TADA2A: variants seen among roughly 807,000 people sequenced by gnomAD.
TADA2A encodes transcriptional adapter 2-alpha.
A neutral mutation model predicts 67.4 loss-of-function variants in TADA2A; 38 were observed. That is an observed-to-expected ratio of 0.56 (90% CI 0.44 to 0.74). The LOEUF is 0.74. Ranked by LOEUF, TADA2A falls within the 30% of genes least tolerant of loss-of-function variation. The pLI, the probability that TADA2A is intolerant of heterozygous loss-of-function variation, is 0.00. For synonymous variants in TADA2A, 192 were observed against 181.6 expected (o/e 1.06, Z -0.46); for missense variants, 454 against 547.0 (o/e 0.83, Z 1.70).
chr17:37,465,349 T>C (rs2053640984), intron 10 of TADA2A, 82 bp from the exon 11 acceptor site: 1 of 1,038,798 alleles, frequency 9.6e-7, no homozygotes, highest in African/African-American at 1.6e-5. Flanking sequence ...TCCATTTTAC[T>C]AATTGTAAAA....
intron 8 of TADA2A, among the ~76,000 whole-genome samples, chr17:37,447,183 A>G (rs1238118533): frequency 6.6e-6 from 1 of 152,086 alleles, no homozygotes; most frequent in African/African-American, 2.4e-5. Flanking sequence ...TTTTTTTGTG[A>G]CAGACTCTCA....
At chr17:37,436,353 G>C (rs1397008497) in intron 4 of TADA2A, 1 of 151,940 alleles carries the variant, frequency 6.6e-6, no homozygotes, top group Admixed American at 6.6e-5. Flanking sequence ...TTAAGATTTT[G>C]AAGTTTATTT....
At position 37,411,688 on chromosome 17, in the gene TADA2A, C is replaced by A. The variant is rs959839002; in HGVS notation, c.25+298C>A. 2.6e-5 allele frequency among the ~76,000 whole-genome samples: 4 copies of A among 151,978 alleles called. No individual in the cohort carries two copies. The South Asian group carries it at 8.3e-4, about 32-fold the overall frequency. On this transcript the variant is annotated intron_variant, in intron 2 of 15. Coordinates refer to ENST00000615182, the MANE Select transcript of TADA2A (RefSeq NM_001166105.3). ...CAGGTGATCCACCCACCTCGGCCTC[C>A]CAAAGTGCTGGGATTACAGGTGTGA...
chr17:37,450,632 A>T (rs761172946), intron 8 of TADA2A: 1 of 152,234 alleles, frequency 6.6e-6, no homozygotes, highest in Admixed American at 6.5e-5. Context: ...CCTTGTAGCA[A>T]TGGACAAATT....
intron 4 of TADA2A, among the ~76,000 whole-genome samples, chr17:37,433,653 G>A (rs1330043958): frequency 1.3e-5 from 2 of 151,676 alleles, no homozygotes; most frequent in East Asian, 1.9e-4. Flanking sequence ...ACAAGACCCC[G>A]TCTCAAAGAG....
rs576895818 is a variant in TADA2A at position 37,411,584 on chromosome 17, A to G, written c.25+194A>G. On this transcript the variant is annotated intron_variant, in intron 2 of 15. Coordinates refer to ENST00000615182, the MANE Select transcript of TADA2A (RefSeq NM_001166105.3). ...ACTACAGGCGCGCACCACCACACAC[A>G]GCTAATTTTTTTTATTTTTATTTTT... is the stretch of plus-strand genomic sequence containing the variant. Among the ~76,000 whole-genome samples the G allele has an allele frequency of 3.2e-4, 48 of 152,014 alleles. No individual in the cohort carries two copies. The Middle Eastern group carries it at 0.01, about 32-fold the overall frequency.
In TADA2A at chr17:37,411,404, G is replaced by A; in HGVS notation, c.25+14G>A. The A allele has an allele frequency of 1.9e-6, 3 of 1,611,510 alleles. No homozygotes were observed. Among genetic ancestry groups the A allele is most frequent in the Non-Finnish European group, 2.5e-6 (3 of 1,177,846 alleles). On this transcript the variant is annotated intron_variant, in intron 2 of 15. Coordinates refer to ENST00000615182, the MANE Select transcript of TADA2A (RefSeq NM_001166105.3). ...GTTCCTTTAGCAGTAAGTACAGTGGGAACAAGTCTCAGGTGACTTATTATT... is the reference window on the plus strand; with the variant it reads ...GTTCCTTTAGCAGTAAGTACAGTGGAAACAAGTCTCAGGTGACTTATTATT...
intron 8 of TADA2A, among the ~76,000 whole-genome samples, chr17:37,448,345 A>G (rs1407545233): frequency 6.6e-6 from 1 of 152,234 alleles, no homozygotes; most frequent in African/African-American, 2.4e-5. Flanking sequence ...TATTGCAGCC[A>G]TACCAGAAGG....
chr17:37,443,241 C>T (rs999612515), intron 7 of TADA2A, among the ~76,000 whole-genome samples: 1 of 151,540 alleles, frequency 6.6e-6, no homozygotes, highest in Non-Finnish European at 1.5e-5. Context: ...TATGAAATTC[C>T]TATAGTCTGG....
chr17:37,434,795 A>G (rs1305626056), intron 4 of TADA2A, among the ~76,000 whole-genome samples: 3 of 143,290 alleles, frequency 2.1e-5, no homozygotes, highest in Non-Finnish European at 4.5e-5. Flanking sequence ...GAGAATATGC[A>G]TTGGTTCCCT....
intron 10 of TADA2A, among the ~76,000 whole-genome samples, chr17:37,462,580 C>G (rs760862229): frequency 6.6e-6 from 1 of 151,964 alleles, no homozygotes; most frequent in Admixed American, 6.6e-5. Context: ...TGCAGTGAGC[C>G]GAGATCACGC....
At chr17:37,458,866 C>A (rs562609153) in intron 9 of TADA2A, among the ~76,000 whole-genome samples, 1 of 151,660 alleles carries the variant, frequency 6.6e-6, no homozygotes, top group East Asian at 1.9e-4. Context: ...TTTGTAGATA[C>A]GGGGTTTTGC....
chr17:37,475,004 A>G (rs1023010641), intron 15 of TADA2A, among the ~76,000 whole-genome samples: 1 of 152,186 alleles, frequency 6.6e-6, no homozygotes, highest in African/African-American at 2.4e-5. Context: ...TCCTATTAGA[A>G]TGGCTGCCTT....
intron 4 of TADA2A, among the ~76,000 whole-genome samples, chr17:37,434,968 C>A (rs183597292): frequency 1.3e-5 from 2 of 152,120 alleles, no homozygotes; most frequent in African/African-American, 4.8e-5. Context: ...TCTTTGCTGC[C>A]AGGCACGGTG....
In TADA2A at chr17:37,477,116, C is replaced by T. The variant is rs1340557314; in HGVS notation, c.*134C>T. On this transcript the variant is annotated 3_prime_UTR_variant, in exon 16 of 16. Coordinates refer to ENST00000615182, the MANE Select transcript of TADA2A (RefSeq NM_001166105.3). Reference sequence around the variant, plus strand: ...AAAACAGGGGAAAGGACAAAGGAAACCTTAAGTTGTATTGTCTACTTTCTT... The same window carrying T: ...AAAACAGGGGAAAGGACAAAGGAAATCTTAAGTTGTATTGTCTACTTTCTT... The T allele has an allele frequency of 4.4e-6, 4 of 912,890 alleles. No homozygotes were observed. Among genetic ancestry groups the T allele is most frequent in the Middle Eastern group, 3.4e-4 (1 of 2,900 alleles). The allele number at this position is 912,890 out of a possible 1,614,324, so 56.5% of individuals were successfully genotyped here.
chr17:37,462,240 A>G, intron 10 of TADA2A, 119 bp downstream of exon 10: 1 of 637,136 alleles, frequency 1.6e-6, no homozygotes, highest in South Asian at 2.1e-5. Flanking sequence ...CTATCACTCC[A>G]GACTAATGAA....
chr17:37,409,083 A>G (rs534974797), intron 1 of TADA2A, among the ~76,000 whole-genome samples: 5 of 152,140 alleles, frequency 3.3e-5, no homozygotes, highest in Admixed American at 1.3e-4. Flanking sequence ...CTCTGCTTTC[A>G]CTTATTTATT....
At chr17:37,413,453 A>G (rs746318749) in intron 2 of TADA2A, among the ~76,000 whole-genome samples, 2 of 152,158 alleles carry the variant, frequency 1.3e-5, no homozygotes, top group African/African-American at 2.4e-5. Context: ...CAATACCCAC[A>G]TACCTTTTGT....
chr17:37,428,608 G>A (rs1003005289), intron 4 of TADA2A, among the ~76,000 whole-genome samples: 2 of 152,108 alleles, frequency 1.3e-5, no homozygotes, highest in Non-Finnish European at 2.9e-5. Context: ...TTGAGACAGG[G>A]TCTCACTCTA....
Sources: gnomAD v4.1 joint callset for allele counts (sites outside exome capture counted in the v4.1 genomes callset) on GRCh38, gnomAD v4.1.1 for gene constraint, MANE v1.5 for transcripts, NCBI Gene and HGNC (gene_info 2026-07-23, HGNC 2026-07-21) for gene names.